Variants in LRP1B observed in about 807,000 individuals in gnomAD.
The protein encoded by LRP1B is low-density lipoprotein receptor-related protein 1B.
In LRP1B, 217 loss-of-function variants were observed where a neutral mutation model predicts 556.6. That is an observed-to-expected ratio of 0.39 (90% CI 0.35 to 0.44). The LOEUF is 0.44. LRP1B is among the 20% of genes least tolerant of loss of function. LRP1B has a pLI of 1.00. For missense variants in LRP1B, 5,053 were observed against 5,620.8 expected (o/e 0.90, Z 3.23); for synonymous variants, 2,047 against 1,865.8 (o/e 1.10, Z -2.50).
At chr2:140,844,211 G>A (rs543514206) in intron 29 of LRP1B, among the ~76,000 whole-genome samples, 44 of 151,944 alleles carry the variant, frequency 2.9e-4, no homozygotes, top group East Asian at 1.8e-3. Context: ...ACAGGCATGC[G>A]CCACCACGCC....
In LRP1B at chr2:141,396,555, G is replaced by A. The variant is rs144201176; in HGVS notation, c.343+83841C>T. Among the ~76,000 whole-genome samples, 253 of 152,042 alleles carry A rather than the reference G, an allele frequency of 1.7e-3. 2 individuals are homozygous for A. Among genetic ancestry groups the A allele is most frequent in the African/African-American group, 6.0e-3 (249 of 41,498 alleles). On this transcript the variant is annotated intron_variant, in intron 3 of 90. Coordinates refer to ENST00000389484, the MANE Select transcript of LRP1B (RefSeq NM_018557.3). ...TGATGGCATTTCACTGAAAGACTAA[G>A]CTAAAATAGATTACCTTTGCTATGC...
chr2:142,122,002 A>C (rs933784761), intron 1 of LRP1B, among the ~76,000 whole-genome samples: 1 of 152,170 alleles, frequency 6.6e-6, no homozygotes, highest in African/African-American at 2.4e-5. Flanking sequence ...ATAAAATAAT[A>C]GGTATTTATG....
chr2:142,120,287 T>A (rs1441696889), intron 1 of LRP1B, among the ~76,000 whole-genome samples: 4 of 152,130 alleles, frequency 2.6e-5, no homozygotes, highest in Admixed American at 2.6e-4. Flanking sequence ...AATTTTTGTA[T>A]TTTTTGTAGA....
chr2:141,576,179 C>A (rs574143404), intron 2 of LRP1B, among the ~76,000 whole-genome samples: 1 of 44,048 alleles, frequency 2.3e-5, no homozygotes, highest in South Asian at 1.1e-3. Flanking sequence ...CAAAGACCAA[C>A]CCAAATACCT....
chr2:141,756,488 G>C (rs1371325170), intron 2 of LRP1B, among the ~76,000 whole-genome samples: 1 of 150,750 alleles, frequency 6.6e-6, no homozygotes, highest in Non-Finnish European at 1.5e-5. Context: ...CAATAAGAAA[G>C]GTTATAAGCT....
At chr2:140,952,495 T>A in intron 18 of LRP1B, among the ~76,000 whole-genome samples, 1 of 149,768 alleles carries the variant, frequency 6.7e-6, no homozygotes, top group Non-Finnish European at 1.5e-5. Flanking sequence ...AATCTTAGTC[T>A]ACGAAAAAGA....
chr2:141,763,936 T>C (rs1008872054), intron 2 of LRP1B, among the ~76,000 whole-genome samples: 1 of 152,174 alleles, frequency 6.6e-6, no homozygotes, highest in African/African-American at 2.4e-5. Flanking sequence ...TGGGTGATGG[T>C]AATACAGATT....
chr2:140,525,867 T>G lies in LRP1B; in HGVS notation c.8003A>C (p.Tyr2668Ser), dbSNP rs765349500. 1.2e-6 allele frequency: 2 copies of G among 1,612,036 alleles called. No individual in the cohort carries two copies. Among genetic ancestry groups the G allele is most frequent in the East Asian group, 2.2e-5 (1 of 44,842 alleles). The stretch of plus-strand genomic sequence containing the variant: ...ACCTGGGCACTTTAATTCATCTGAA[T>G]AGTCTCCACAGTCATTAGACCCGTC... The part of the protein sequence containing the change: ...ICDGSNDCGD[Y>S]SDELKCPVQN... The change falls in exon 49 of 91, where the codon TAT becomes TCT. Residue 2668 changes from tyrosine (Y) to serine (S), a missense_variant. Around this residue, in one of 5 missense-constraint regions of LRP1B, gnomAD observed 3,619 missense variants for 3,931.9 expected, o/e 0.92. Transcript: ENST00000389484.
intron 1 of LRP1B, among the ~76,000 whole-genome samples, chr2:141,984,468 G>A (rs1337213072): frequency 1.3e-5 from 2 of 152,078 alleles, no homozygotes; most frequent in African/African-American, 4.8e-5. Flanking sequence ...AATGAGTATT[G>A]TAATTCAGGC....
At chr2:141,097,389 A>G (rs758451870) in intron 7 of LRP1B, among the ~76,000 whole-genome samples, 32 of 152,194 alleles carry the variant, frequency 2.1e-4, no homozygotes, top group Non-Finnish European at 3.8e-4. Context: ...AGCTTCTATT[A>G]AGCAAGTATC....
chr2:142,115,632 T>TTA (rs1187973092), intron 1 of LRP1B, among the ~76,000 whole-genome samples: 2 of 18,024 alleles, frequency 1.1e-4, no homozygotes, highest in Non-Finnish European at 1.1e-4. Flanking sequence ...AATATATATA[T>TTA]TATATATGTA....
At chr2:140,457,367 CA>C (rs1558895510) in intron 61 of LRP1B, 95 bp downstream of exon 61, 1 of 1,010,688 alleles carries the variant, frequency 9.9e-7, no homozygotes, top group Non-Finnish European at 1.5e-6. Flanking sequence ...TAATCTTCAT[CA>C]AAAATAAAAT....
At chr2:140,368,778 T>C (rs1334940081) in intron 71 of LRP1B, among the ~76,000 whole-genome samples, 1 of 151,838 alleles carries the variant, frequency 6.6e-6, no homozygotes, top group Non-Finnish European at 1.5e-5. Context: ...TGGCATCCCA[T>C]TTCCTCAATG....
chr2:141,021,074 C>T (rs1022068627), intron 11 of LRP1B, among the ~76,000 whole-genome samples: 2 of 151,956 alleles, frequency 1.3e-5, no homozygotes, highest in African/African-American at 4.8e-5. Flanking sequence ...AGGTAGAGTA[C>T]ATAGACTTCC....
At chr2:140,841,148 C>CAGAGCCAGTACAA in intron 29 of LRP1B, 56 bp from the exon 30 acceptor site, 1 of 1,127,228 alleles carries the variant, frequency 8.9e-7, no homozygotes. Context: ...ATTGTACTGG[C>CAGAGCCAGTACAA]TCTGCAAGTA....
chr2:140,433,855 A>G (rs1686058198), intron 66 of LRP1B, among the ~76,000 whole-genome samples: 1 of 150,570 alleles, frequency 6.6e-6, no homozygotes, highest in South Asian at 2.1e-4. Context: ...TTTCTCAAAT[A>G]TCAGTCAAAA....
rs1397324347 is a variant in LRP1B, at chr2:140,584,405, T to C, written c.7194+14226A>G. On this transcript the variant is annotated intron_variant, in intron 43 of 90. Transcript: ENST00000389484. ...ATGTGCTCATATATATATATATATATATATGAGCAGAATGGCTTTTGTTAG... is the reference window on the plus strand; with the variant it reads ...ATGTGCTCATATATATATATATATACATATGAGCAGAATGGCTTTTGTTAG... Among the ~76,000 whole-genome samples, 8 of 145,050 alleles carry C rather than the reference T, an allele frequency of 5.5e-5. No homozygotes were observed. In the East Asian group the frequency reaches 1.4e-3, roughly 26 times the overall value.
chr2:140,940,420 G>A (rs937785335), intron 20 of LRP1B, among the ~76,000 whole-genome samples: 3 of 152,126 alleles, frequency 2.0e-5, no homozygotes, highest in African/African-American at 4.8e-5. Flanking sequence ...TAGATGTGAT[G>A]TATATCCAGA....
intron 2 of LRP1B, among the ~76,000 whole-genome samples, chr2:141,533,143 G>A (rs556303504): frequency 6.6e-6 from 1 of 152,252 alleles, no homozygotes. Flanking sequence ...GACGGTAAAT[G>A]TAGATTAACA....
Sources: gnomAD v4.1 joint callset for allele counts (sites outside exome capture counted in the v4.1 genomes callset) on GRCh38, gnomAD v4.1.1 for gene constraint, gnomAD v4.1.1 regional missense constraint, MANE v1.5 for transcripts, NCBI Gene and HGNC (gene_info 2026-07-23, HGNC 2026-07-21) for gene names.